Variants in CSMD1 observed in about 807,000 individuals in gnomAD.
CSMD1 encodes the protein CUB and sushi domain-containing protein 1.
In CSMD1, 213 loss-of-function variants were observed where a neutral mutation model predicts 417.5. The observed-to-expected ratio is 0.51, with a 90% CI of 0.46 to 0.57. The LOEUF (loss-of-function observed/expected upper bound fraction) is 0.57, where lower values mean the gene tolerates loss of function less well. CSMD1 is among the 20% of genes least tolerant of loss of function. The pLI is 0.00. For synonymous variants in CSMD1, 2,862 were observed against 1,736.8 expected, an observed-to-expected ratio of 1.65 and a Z score of -16.11; for missense variants, 6,923 against 4,529.7, an observed-to-expected ratio of 1.53 and a Z score of -15.17.
intron 18 of CSMD1, among the ~76,000 whole-genome samples, chr8:3,369,611 G>C (rs1051711437): frequency 2.6e-5 from 4 of 152,156 alleles, no homozygotes; most frequent in African/African-American, 7.2e-5. Flanking sequence ...CACAGCAGGA[G>C]AGCTGGAACC....
chr8:4,378,262 A>G (rs1249251505), intron 3 of CSMD1, among the ~76,000 whole-genome samples: 6 of 152,234 alleles, frequency 3.9e-5, no homozygotes, highest in African/African-American at 9.6e-5. Flanking sequence ...ACATTTGTCA[A>G]TACATTGTCC....
chr8:4,208,279 GA>G (rs1411744792), intron 3 of CSMD1, among the ~76,000 whole-genome samples: 2 of 152,050 alleles, frequency 1.3e-5, no homozygotes, highest in Non-Finnish European at 2.9e-5. Flanking sequence ...CAGAGGACAA[GA>G]AACAAGAAGA....
chr8:4,451,318 C>A (rs1237253992), intron 2 of CSMD1, among the ~76,000 whole-genome samples: 1 of 152,156 alleles, frequency 6.6e-6, no homozygotes, highest in East Asian at 1.9e-4. Flanking sequence ...CTGCACCACT[C>A]CAGCCTGGGC....
chr8:3,042,073 T>C (rs1811133904), intron 50 of CSMD1, among the ~76,000 whole-genome samples: 2 of 152,190 alleles, frequency 1.3e-5, no homozygotes, highest in Admixed American at 6.5e-5. Context: ...CATCACACAA[T>C]GGTTTCCAGC....
In CSMD1 at chr8:4,213,744, G is replaced by T. The variant is rs146181851; in HGVS notation, c.416-181645C>A. Among the ~76,000 whole-genome samples, 4 of 152,326 alleles carry T rather than the reference G, an allele frequency of 2.6e-5. No individual in the cohort carries two copies. The East Asian group carries it at 7.7e-4, about 29-fold the overall frequency. Reference sequence around the variant, plus strand: ...TTCCTGAAAGGGTGGGAATGGGGTAGAACATGGCTGAGATGGGGTTCCCTG... The same window carrying T: ...TTCCTGAAAGGGTGGGAATGGGGTATAACATGGCTGAGATGGGGTTCCCTG... On this transcript the variant is annotated intron_variant, in intron 3 of 69. Transcript: ENST00000635120.
chr8:4,305,337 G>C (rs536016214), intron 3 of CSMD1, among the ~76,000 whole-genome samples: 3 of 152,148 alleles, frequency 2.0e-5, no homozygotes, highest in African/African-American at 7.2e-5. Context: ...GGCAGCAAGA[G>C]AAGTGAGACC....
At position 3,786,435 on chromosome 8, in the gene CSMD1, A is replaced by G. The variant is rs192960197; in HGVS notation, c.819-32393T>C. 3.1e-3 allele frequency among the ~76,000 whole-genome samples: 474 copies of G among 152,256 alleles called. 3 individuals are homozygous for G. Among genetic ancestry groups the G allele is most frequent in the African/African-American group, 0.011 (452 of 41,562 alleles). On this transcript the variant is annotated intron_variant, in intron 5 of 69. Coordinates refer to ENST00000635120, the MANE Select transcript of CSMD1 (RefSeq NM_033225.6). ...TTGGGGGACCACAAAAGTACGAGAG[A>G]AAGCATCTGTAAAGCCATAAATAAG...
At chr8:3,554,064 T>C (rs757167377) in intron 10 of CSMD1, among the ~76,000 whole-genome samples, 8 of 152,220 alleles carry the variant, frequency 5.3e-5, no homozygotes, top group Non-Finnish European at 1.5e-5. Context: ...GATGTGGATG[T>C]GTGTGCTCGT....
At position 3,439,309 on chromosome 8, in the gene CSMD1, A is replaced by ATTTTTT. The variant is rs1554552766; in HGVS notation, c.1561+29397_1561+29402dup. Among the ~76,000 whole-genome samples the ATTTTTT allele has an allele frequency of 3.7e-3, 228 of 62,232 alleles. 5 individuals are homozygous for ATTTTTT. Among genetic ancestry groups the ATTTTTT allele is most frequent in the East Asian group, 0.016 (28 of 1,720 alleles). The allele number at this position is 62,232 out of a possible 152,430, so 40.8% of individuals were successfully genotyped here. ...TATATATATATATATATATATATATATTTTTTTTTTTAATATGTATTTTTA... is the reference window on the plus strand; with the variant it reads ...TATATATATATATATATATATATATATTTTTTTTTTTTTTTTTAATATGTATTTTTA... On this transcript the variant is annotated intron_variant, in intron 12 of 69. Coordinates refer to ENST00000635120, the MANE Select transcript of CSMD1 (RefSeq NM_033225.6).
rs1244055112 is a variant in CSMD1 at position 3,411,669 on chromosome 8, C to CGT, written c.1562-2066_1562-2065dup. On this transcript the variant is annotated intron_variant, in intron 12 of 69. Coordinates refer to ENST00000635120, the MANE Select transcript of CSMD1 (RefSeq NM_033225.6). ...TAGTAGTCCATCATATATATATATA[C>CGT]GTGTATATATACGTGTATATATACA... 2.7e-4 allele frequency among the ~76,000 whole-genome samples: 28 copies of CGT among 102,320 alleles called. 1 individual carries two copies. The highest frequency in any genetic ancestry group is 1.1e-3 in the Admixed American group (11 of 10,238). The allele number at this position is 102,320 out of a possible 152,430, so 67.1% of individuals were successfully genotyped here.
intron 25 of CSMD1, among the ~76,000 whole-genome samples, chr8:3,306,547 T>C (rs898110768): frequency 1.3e-5 from 2 of 152,164 alleles, no homozygotes; most frequent in Admixed American, 6.5e-5. Context: ...TTTAGTCTTT[T>C]GTGGGTATAA....
chr8:4,175,888 G>C (rs773465672), intron 3 of CSMD1, among the ~76,000 whole-genome samples: 1 of 152,178 alleles, frequency 6.6e-6, no homozygotes, highest in Middle Eastern at 3.2e-3. Context: ...GGGTCCAGTT[G>C]ATTTCTAGTC....
chr8:4,345,506 G>T (rs1445676243), intron 3 of CSMD1, among the ~76,000 whole-genome samples: 2 of 151,992 alleles, frequency 1.3e-5, no homozygotes, highest in East Asian at 1.9e-4. Context: ...AGGAAACAGT[G>T]ACAAAGTGAA....
At chr8:3,950,099 AATG>A (rs1299460819) in intron 5 of CSMD1, 1 of 430,040 alleles carries the variant, frequency 2.3e-6, no homozygotes, top group East Asian at 7.0e-5. Context: ...CCTTAAAGGC[AATG>A]ATAATAATAA....
rs554962264 is a variant in CSMD1 at position 4,041,733 on chromosome 8, G to A, written c.416-9634C>T. Reference sequence around the variant, plus strand: ...ATTAAAACTGTTATTAGAACTGTATGCCCTGTTCTCAGTCAGGTGATGATG... The same window carrying A: ...ATTAAAACTGTTATTAGAACTGTATACCCTGTTCTCAGTCAGGTGATGATG... On this transcript the variant is annotated intron_variant, in intron 3 of 69. Transcript: ENST00000635120. Among the ~76,000 whole-genome samples, 8 of 152,250 alleles carry A rather than the reference G, an allele frequency of 5.3e-5. No individual in the cohort carries two copies. The East Asian group carries it at 1.5e-3, about 29-fold the overall frequency.
In CSMD1 at chr8:3,917,904, A is replaced by G. The variant is rs190858512; in HGVS notation, c.818+79999T>C. 5.9e-5 allele frequency among the ~76,000 whole-genome samples: 9 copies of G among 152,268 alleles called. No individual in the cohort carries two copies. In the East Asian group the frequency reaches 1.7e-3, roughly 29 times the overall value. ...TTACTTAAATTTTAAATGAAAATTT[A>G]AAGTTCTCAGTGTGTTTTTTAAGCA... On this transcript the variant is annotated intron_variant, in intron 5 of 69. Transcript: ENST00000635120.
At chr8:3,309,171 C>G (rs1415122473) in intron 23 of CSMD1, among the ~76,000 whole-genome samples, 1 of 152,150 alleles carries the variant, frequency 6.6e-6, no homozygotes, top group Non-Finnish European at 1.5e-5. Context: ...TCTGTCACAA[C>G]CTAGACCTCC....
chr8:3,427,144 G>A (rs540529029), intron 12 of CSMD1, among the ~76,000 whole-genome samples: 1 of 152,278 alleles, frequency 6.6e-6, no homozygotes, highest in South Asian at 2.1e-4. Flanking sequence ...AGATTATGGG[G>A]ATCATAGGGA....
At chr8:3,698,637 T>C (rs77176635) in intron 7 of CSMD1, among the ~76,000 whole-genome samples, 4,478 of 152,264 alleles carry the variant, frequency 0.029, 221 homozygotes, top group African/African-American at 0.1. Context: ...AAGCAAGACC[T>C]GATGATGAGA....
Sources: gnomAD v4.1 joint callset for allele counts (sites outside exome capture counted in the v4.1 genomes callset) on GRCh38, gnomAD v4.1.1 for gene constraint, MANE v1.5 for transcripts, NCBI Gene and HGNC (gene_info 2026-07-23, HGNC 2026-07-21) for gene names.